CCDC66: variants seen among roughly 807,000 people sequenced by gnomAD.
CCDC66 encodes coiled-coil domain-containing protein 66.
Under a neutral mutation model 128.3 loss-of-function variants are expected in CCDC66, and 133 were observed. That is an observed-to-expected ratio of 1.04 (90% confidence interval 0.90 to 1.20). The LOEUF (loss-of-function observed/expected upper bound fraction) is 1.20. Among genes scored for constraint, CCDC66 ranks in the 50% most tolerant of loss-of-function variants. The pLI is 0.00. For missense variants in CCDC66, 1,126 were observed against 1,075.5 expected, an observed-to-expected ratio of 1.05 and a Z score of -0.66; for synonymous variants, 387 against 357.0, an observed-to-expected ratio of 1.08 and a Z score of -0.95.
chr3:56,559,336 A>AT (rs912167449), intron 2 of CCDC66, among the ~76,000 whole-genome samples: 29 of 151,244 alleles, frequency 1.9e-4, no homozygotes, highest in East Asian at 1.2e-3. Context: ...TCTCCTTCGC[A>AT]TTTTTTTTTC....
At chr3:56,564,148 A>C (rs9848723) in intron 4 of CCDC66, 23 bp downstream of exon 4, 1 of 1,556,408 alleles carries the variant, frequency 6.4e-7, no homozygotes, top group South Asian at 1.2e-5. Context: ...TAAAGTTTTC[A>C]TGAATTTTGA....
chr3:56,606,113 C>G (rs1014039179), intron 10 of CCDC66, among the ~76,000 whole-genome samples: 1 of 152,050 alleles, frequency 6.6e-6, no homozygotes. Context: ...GTGGTGGGTG[C>G]CCCTCACCCC....
At chr3:56,562,069 T>G (rs760349171) in intron 3 of CCDC66, among the ~76,000 whole-genome samples, 2 of 151,818 alleles carry the variant, frequency 1.3e-5, no homozygotes, top group Non-Finnish European at 2.9e-5. Flanking sequence ...TGAGGCAGGC[T>G]CTCTCTCTTT....
At chr3:56,585,095 A>C (rs1251181679) in intron 7 of CCDC66, among the ~76,000 whole-genome samples, 1 of 130,734 alleles carries the variant, frequency 7.6e-6, no homozygotes, top group Non-Finnish European at 1.6e-5. Context: ...AGAGAGGGAG[A>C]GGGAGACCAT....
At chr3:56,595,331 G>A (rs1481225625) in intron 10 of CCDC66, among the ~76,000 whole-genome samples, 1 of 151,980 alleles carries the variant, frequency 6.6e-6, no homozygotes, top group African/African-American at 2.4e-5. Flanking sequence ...TCAAACATTA[G>A]AACTTATTCC....
chr3:56,583,786 A>G (rs1345078658), intron 7 of CCDC66, among the ~76,000 whole-genome samples: 4 of 151,880 alleles, frequency 2.6e-5, no homozygotes, highest in Non-Finnish European at 4.4e-5. Flanking sequence ...CATCGTCATC[A>G]TGGCCCGTTC....
Position 56,617,554 on chromosome 3 carries a change from T to C in CCDC66, c.2286T>C (p.His762=). ...GAGGCATTTCACCAGAAATTTTTCA[T>C]TCATCTCATCAAGAAACGGAGTCAA... ...QNRGISPEIF[H]SSHQETESKL... The change falls in exon 14 of 18, where the codon CAT becomes CAC. Residue 762 remains histidine, a synonymous_variant. Transcript: ENST00000394672. The C allele has an allele frequency of 6.2e-7, 1 of 1,610,018 alleles. No individual in the cohort carries two copies. Among genetic ancestry groups the C allele is most frequent in the Non-Finnish European group, 8.5e-7 (1 of 1,179,090 alleles).
Position 56,617,584 on chromosome 3 carries a change from G to C in CCDC66, c.2316G>C (p.Leu772Phe), listed in dbSNP as rs758678325. 6.2e-6 allele frequency: 10 copies of C among 1,604,334 alleles called. No individual in the cohort carries two copies. The highest frequency in any genetic ancestry group is 8.5e-6 in the Non-Finnish European group (10 of 1,177,346). Residue 772 changes from leucine to phenylalanine, a missense_variant, in exon 14 of 18, where the codon TTG (leucine) becomes TTC (phenylalanine). Physicochemically the swap from Leu to Phe is conservative, Grantham distance 22 (BLOSUM62 0). Transcript: ENST00000394672. Reference protein sequence around the residue: ...HSSHQETESKLRWHLVKKEEE... With the variant: ...HSSHQETESKFRWHLVKKEEE... ...CTCATCAAGAAACGGAGTCAAAGTT[G>C]AGGTGGCATCTAGTCAAAAAGGTAA... is the stretch of plus-strand genomic sequence containing the variant.
intron 17 of CCDC66, chr3:56,621,134 G>C (rs566805704): frequency 6.6e-6 from 1 of 152,290 alleles, no homozygotes; most frequent in East Asian, 1.9e-4. Flanking sequence ...ACTCCAGCTT[G>C]GGCGACAGAG....
chr3:56,575,816 C>T (rs987062233), intron 7 of CCDC66, among the ~76,000 whole-genome samples: 5 of 151,780 alleles, frequency 3.3e-5, no homozygotes, highest in African/African-American at 1.2e-4. Context: ...TTTTTCCTAG[C>T]ACCATTGTTG....
intron 10 of CCDC66, among the ~76,000 whole-genome samples, chr3:56,597,653 CTTT>C (rs2072253379): frequency 6.6e-6 from 1 of 150,558 alleles, no homozygotes; most frequent in Non-Finnish European, 1.5e-5. Context: ...GGATTGCCTT[CTTT>C]ATTTCTCAGC....
chr3:56,618,642 G>A (rs1178220737), intron 15 of CCDC66: 4 of 162,156 alleles, frequency 2.5e-5, no homozygotes, highest in Non-Finnish European at 4.0e-5. Flanking sequence ...TGGTTTAGTT[G>A]TCTCAGAATG....
At chr3:56,587,546 C>T (rs2070015915) in intron 7 of CCDC66, among the ~76,000 whole-genome samples, 1 of 149,264 alleles carries the variant, frequency 6.7e-6, no homozygotes, top group Non-Finnish European at 1.5e-5. Flanking sequence ...CCAGATCTTA[C>T]CATGAAAAAC....
intron 13 of CCDC66, 42 bp from the exon 14 acceptor site, chr3:56,617,070 T>G: frequency 7.2e-7 from 1 of 1,395,690 alleles, no homozygotes; most frequent in Non-Finnish European, 9.6e-7. Context: ...TATTGAAAAT[T>G]TTGTTTACAA....
intron 7 of CCDC66, among the ~76,000 whole-genome samples, chr3:56,587,274 C>T (rs190099485): frequency 1.3e-5 from 2 of 152,010 alleles, no homozygotes; most frequent in East Asian, 3.9e-4. Context: ...CATAGGTTCA[C>T]ATTACATAGA....
At chr3:56,618,146 T>A in intron 14 of CCDC66, 26 bp from the exon 15 acceptor site, 2 of 1,581,362 alleles carry the variant, frequency 1.3e-6, no homozygotes, top group Non-Finnish European at 1.7e-6. Context: ...TATATTCCTT[T>A]CTGCATTTAT....
intron 7 of CCDC66, among the ~76,000 whole-genome samples, chr3:56,584,904 G>A (rs548171694): frequency 4.6e-4 from 70 of 152,052 alleles, no homozygotes; most frequent in Non-Finnish European, 7.9e-4. Flanking sequence ...AGCCCGGCCA[G>A]CATAGCGAAA....
In CCDC66 at chr3:56,619,874, C is replaced by T. The variant is rs567425840; in HGVS notation, c.2733C>T (p.Ile911=). 3.1e-6 allele frequency: 5 copies of T among 1,613,986 alleles called. No individual in the cohort carries two copies. The highest frequency in any genetic ancestry group is 3.3e-5 in the Admixed American group (2 of 60,010). Residue 911 remains isoleucine (I), a synonymous_variant, in exon 17 of 18, where the codon ATC becomes ATT. Transcript: ENST00000394672. ...AAAATAGGGATCGACAGCAAGCAAT[C>T]CTTAAGGGACTTTCAGAACTGAGAC... ...MVKNRDRQQA[I]LKGLSELRQG... is the part of the protein sequence containing the mutation.
intron 15 of CCDC66, 100 bp downstream of exon 15, chr3:56,618,312 G>C: frequency 1.9e-6 from 2 of 1,049,548 alleles, no homozygotes; most frequent in Non-Finnish European, 2.9e-6. Context: ...TATATGTAGA[G>C]AACAATCAGA....
Sources: allele counts gnomAD v4.1 joint callset (sites outside exome capture counted in the v4.1 genomes callset), GRCh38; gene constraint gnomAD v4.1.1; transcripts MANE v1.5; gene names NCBI Gene and HGNC (gene_info 2026-07-23, HGNC 2026-07-21).